Variants in ZRANB3 observed in about 807,000 individuals in gnomAD.
The protein encoded by ZRANB3 is zinc finger RANBP2-type containing 3, also known as DNA annealing helicase and endonuclease ZRANB3.
In ZRANB3, 125 loss-of-function variants were observed where a neutral mutation model predicts 133.8. That is an observed-to-expected ratio of 0.93 (90% CI 0.81 to 1.08). ZRANB3 has a LOEUF of 1.08. Ranked by LOEUF, ZRANB3 falls within the 50% of genes least tolerant of loss-of-function variation. ZRANB3 has a pLI of 0.00. For missense variants in ZRANB3, 1,229 were observed against 1,275.5 expected (o/e 0.96, Z 0.56); for synonymous variants, 387 against 432.7 (o/e 0.89, Z 1.31).
chr2:135,264,537 C>T (rs189338932), intron 12 of ZRANB3, among the ~76,000 whole-genome samples: 1 of 150,894 alleles, frequency 6.6e-6, no homozygotes, highest in Non-Finnish European at 1.5e-5. Flanking sequence ...ATGCAAATAT[C>T]ATTAATGAAC....
intron 1 of ZRANB3, among the ~76,000 whole-genome samples, chr2:135,527,675 G>C (rs527608719): frequency 2.7e-4 from 41 of 152,318 alleles, no homozygotes; most frequent in South Asian, 1.9e-3. Flanking sequence ...GGTTATGCTA[G>C]AGCTATACAA....
In ZRANB3 at chr2:135,326,109, A is replaced by G. The variant is rs901543417; in HGVS notation, c.678-10579T>C. Among the ~76,000 whole-genome samples the G allele has an allele frequency of 3.3e-5, 5 of 152,218 alleles. 1 individual carries two copies. Among genetic ancestry groups the G allele is most frequent in the Non-Finnish European group, 7.3e-5 (5 of 68,040 alleles). On this transcript the variant is annotated intron_variant, in intron 6 of 20. Coordinates refer to ENST00000264159, the MANE Select transcript of ZRANB3 (RefSeq NM_032143.4). ...GTACTGATCTATACAAACTACAGGG[A>G]AAAAACTAAAAAGAACCCCAAAAAA...
chr2:135,402,014 T>C (rs1687755406), intron 2 of ZRANB3, among the ~76,000 whole-genome samples: 2 of 152,132 alleles, frequency 1.3e-5, no homozygotes, highest in South Asian at 2.1e-4. Flanking sequence ...CTTATTTGTA[T>C]TTAATTTTGA....
intron 9 of ZRANB3, among the ~76,000 whole-genome samples, chr2:135,272,414 C>CGTTTTTTTTTT (rs1680562653): frequency 9.3e-6 from 1 of 107,774 alleles, no homozygotes; most frequent in African/African-American, 4.5e-5. Flanking sequence ...GAAAATAGAG[C>CGTTTTTTTTTT]TTTTTTTTTT....
At chr2:135,400,256 A>AAAATAAAT (rs148153663) in intron 2 of ZRANB3, among the ~76,000 whole-genome samples, 5 of 151,728 alleles carry the variant, frequency 3.3e-5, no homozygotes, top group Admixed American at 1.3e-4. Context: ...AGTAATAATA[A>AAAATAAAT]AAATAAATAA....
At chr2:135,329,266 C>A (rs1684010255) in intron 6 of ZRANB3, among the ~76,000 whole-genome samples, 1 of 152,166 alleles carries the variant, frequency 6.6e-6, no homozygotes, top group Non-Finnish European at 1.5e-5. Context: ...CCAGTTTCAG[C>A]TTTCTACACA....
chr2:135,474,627 A>G (rs1401139495), intron 2 of ZRANB3, among the ~76,000 whole-genome samples: 1 of 152,212 alleles, frequency 6.6e-6, no homozygotes, highest in African/African-American at 2.4e-5. Flanking sequence ...ACCAGTAGCC[A>G]AGTAGATGCT....
chr2:135,227,192 G>A (rs1484748251), intron 14 of ZRANB3, among the ~76,000 whole-genome samples: 1 of 152,142 alleles, frequency 6.6e-6, no homozygotes, highest in Non-Finnish European at 1.5e-5. Context: ...TCTCTTGCCA[G>A]CTAGCCCATA....
intron 2 of ZRANB3, among the ~76,000 whole-genome samples, chr2:135,479,326 T>C (rs1691652542): frequency 6.6e-6 from 1 of 152,084 alleles, no homozygotes; most frequent in African/African-American, 2.4e-5. Context: ...AGCAGTTAAG[T>C]TCACCTATTT....
intron 17 of ZRANB3, among the ~76,000 whole-genome samples, chr2:135,214,995 G>T (rs944724977): frequency 1.3e-5 from 2 of 152,146 alleles, no homozygotes; most frequent in Non-Finnish European, 2.9e-5. Flanking sequence ...ACAGCTTATC[G>T]CAGCCTTGAC....
chr2:135,390,149 G>C (rs1476449069), intron 3 of ZRANB3, among the ~76,000 whole-genome samples: 1 of 152,034 alleles, frequency 6.6e-6, no homozygotes, highest in Non-Finnish European at 1.5e-5. Context: ...AAAGTGTTGG[G>C]ATTACAGGCG....
chr2:135,217,281 T>A (rs1415579580), intron 17 of ZRANB3, among the ~76,000 whole-genome samples, 184 bp downstream of exon 17: 1 of 152,188 alleles, frequency 6.6e-6, no homozygotes, highest in Non-Finnish European at 1.5e-5. Flanking sequence ...TTTTAGCAGA[T>A]TTTGTCAAAT....
chr2:135,458,196 A>G (rs1690609862), intron 2 of ZRANB3, among the ~76,000 whole-genome samples: 1 of 152,156 alleles, frequency 6.6e-6, no homozygotes, highest in South Asian at 2.1e-4. Context: ...AAATCAACTG[A>G]CCATAAATGT....
intron 2 of ZRANB3, among the ~76,000 whole-genome samples, chr2:135,470,803 TC>T (rs1691228256): frequency 6.6e-6 from 1 of 150,438 alleles, no homozygotes; most frequent in African/African-American, 2.5e-5. Flanking sequence ...GAAATTTCTT[TC>T]TTTTTTTTTT....
At chr2:135,268,318 C>A (rs1016442350) in intron 11 of ZRANB3, among the ~76,000 whole-genome samples, 1 of 152,138 alleles carries the variant, frequency 6.6e-6, no homozygotes, top group Non-Finnish European at 1.5e-5. Context: ...GCACCTGCTA[C>A]CATGCCCAGC....
At chr2:135,262,301 T>C (rs973351723) in intron 12 of ZRANB3, among the ~76,000 whole-genome samples, 1 of 152,034 alleles carries the variant, frequency 6.6e-6, no homozygotes, top group Non-Finnish European at 1.5e-5. Flanking sequence ...CCAAATAAGA[T>C]AATTAAAAAT....
At chr2:135,213,394 A>G (rs1222726833) in intron 17 of ZRANB3, among the ~76,000 whole-genome samples, 1 of 152,220 alleles carries the variant, frequency 6.6e-6, no homozygotes, top group African/African-American at 2.4e-5. Context: ...GTTCAACAGC[A>G]TATTTCACAT....
intron 2 of ZRANB3, among the ~76,000 whole-genome samples, chr2:135,405,923 G>A (rs1687997814): frequency 6.6e-6 from 1 of 152,078 alleles, no homozygotes; most frequent in Admixed American, 6.6e-5. Context: ...AGAGAAGCAA[G>A]AGCAAACACA....
chr2:135,273,993 C>T (rs1384741145), intron 9 of ZRANB3, among the ~76,000 whole-genome samples: 1 of 152,126 alleles, frequency 6.6e-6, no homozygotes, highest in African/African-American at 2.4e-5. Context: ...AATCTAATTT[C>T]TTGCCCAATC....
Sources: allele counts gnomAD v4.1 joint callset (sites outside exome capture counted in the v4.1 genomes callset), GRCh38; gene constraint gnomAD v4.1.1; transcripts MANE v1.5; gene names NCBI Gene and HGNC (gene_info 2026-07-23, HGNC 2026-07-21).